The following PCDH15 variants were observed in gnomAD, a reference collection of about 807,000 sequenced individuals.
The protein encoded by PCDH15 is protocadherin-15.
Under a neutral mutation model 178.5 loss-of-function variants are expected in PCDH15, and 129 were observed. The ratio of observed to expected loss-of-function variants is 0.72; its 90% confidence interval spans 0.63 to 0.84. The LOEUF (loss-of-function observed/expected upper bound fraction) is 0.84, where lower values mean the gene tolerates loss of function less well. Among genes scored for constraint, PCDH15 ranks in the 40% least tolerant of loss-of-function variants. The pLI, the probability that PCDH15 is intolerant of heterozygous loss-of-function variation, is 0.00. For missense variants in PCDH15, 2,230 were observed against 2,099.9 expected, an observed-to-expected ratio of 1.06 and a Z score of -1.21; for synonymous variants, 800 against 732.0, an observed-to-expected ratio of 1.09 and a Z score of -1.50.
At chr10:54,933,418 A>G (rs1291263395) in intron 2 of PCDH15, among the ~76,000 whole-genome samples, 1 of 152,226 alleles carries the variant, frequency 6.6e-6, no homozygotes, top group Non-Finnish European at 1.5e-5. Flanking sequence ...TAAGAGCAGC[A>G]GGTATAAAAT....
chr10:54,738,924 G>C (rs529835903), intron 1 of PCDH15, among the ~76,000 whole-genome samples: 1 of 151,954 alleles, frequency 6.6e-6, no homozygotes, highest in African/African-American at 2.4e-5. Flanking sequence ...AAAATAGTAA[G>C]GGCCACATCT....
At chr10:54,904,723 T>C (rs1402084619) in intron 2 of PCDH15, among the ~76,000 whole-genome samples, 2 of 151,736 alleles carry the variant, frequency 1.3e-5, no homozygotes, top group Non-Finnish European at 2.9e-5. Flanking sequence ...AAAAACAGAA[T>C]AATTTCTTTC....
At chr10:55,582,619 T>TAC (rs1842641235) in intron 2 of PCDH15, among the ~76,000 whole-genome samples, 1 of 102,840 alleles carries the variant, frequency 9.7e-6, no homozygotes, top group African/African-American at 4.7e-5. Flanking sequence ...TATATATATA[T>TAC]ATATATATAT....
chr10:54,194,690 A>ATCTATC, intron 11 of PCDH15, among the ~76,000 whole-genome samples: 1 of 145,482 alleles, frequency 6.9e-6, no homozygotes, highest in East Asian at 2.0e-4. Flanking sequence ...CTATCTATCT[A>ATCTATC]TATCTGTATG....
chr10:53,971,830 G>A (rs1033358166), intron 21 of PCDH15, among the ~76,000 whole-genome samples: 9 of 152,116 alleles, frequency 5.9e-5, no homozygotes, highest in South Asian at 4.1e-4. Context: ...TCATGGATAC[G>A]AAGAATCAAT....
At chr10:54,778,095 T>A (rs1034502946) in intron 1 of PCDH15, among the ~76,000 whole-genome samples, 4 of 152,226 alleles carry the variant, frequency 2.6e-5, no homozygotes, top group Admixed American at 2.0e-4. Flanking sequence ...AATTGCCATA[T>A]GCAAGATGCA....
intron 6 of PCDH15, among the ~76,000 whole-genome samples, chr10:54,338,310 T>C (rs1050236337): frequency 3.9e-5 from 6 of 152,204 alleles, no homozygotes; most frequent in Non-Finnish European, 7.3e-5. Flanking sequence ...CCCTGAAAAG[T>C]ATTATTAAAC....
chr10:54,137,699 T>C lies in PCDH15; in HGVS notation c.1785-4692A>G, dbSNP rs377746975. ...CCTGCTATGTAAACACTAACTGTAGTCAGTCAGTGAGTTGGATTTGAGATT... is the reference window on the plus strand; with the variant it reads ...CCTGCTATGTAAACACTAACTGTAGCCAGTCAGTGAGTTGGATTTGAGATT... On this transcript the variant is annotated intron_variant, in intron 14 of 37. Coordinates refer to ENST00000644397, the MANE Select transcript of PCDH15 (RefSeq NM_001384140.1). Among the ~76,000 whole-genome samples the C allele has an allele frequency of 9.8e-5, 15 of 152,292 alleles. No homozygotes were observed. In the South Asian group the frequency reaches 1.7e-3, roughly 17 times the overall value.
At chr10:55,457,005 G>T (rs1486635284) in intron 2 of PCDH15, among the ~76,000 whole-genome samples, 2 of 152,014 alleles carry the variant, frequency 1.3e-5, no homozygotes, top group Non-Finnish European at 2.9e-5. Context: ...TACAAATATG[G>T]TGGGAATGTT....
Position 54,873,496 on chromosome 10 carries a change from C to T in PCDH15, c.-29+23954G>A, listed in dbSNP as rs949052690. Among the ~76,000 whole-genome samples the T allele has an allele frequency of 5.5e-5, 8 of 144,976 alleles. No individual in the cohort carries two copies. The East Asian group carries it at 6.0e-4, about 11-fold the overall frequency. ...ATTTTATATATATATAATATATATA[C>T]GTGTATGTATATATATAATGTATAT... On this transcript the variant is annotated intron_variant, in intron 3 of 5. Coordinates refer to the PCDH15 transcript ENST00000458638.
At chr10:55,364,121 T>G (rs1023613164) in intron 2 of PCDH15, among the ~76,000 whole-genome samples, 1 of 152,072 alleles carries the variant, frequency 6.6e-6, no homozygotes, top group Non-Finnish European at 1.5e-5. Context: ...CCCACTCCGC[T>G]TGGCACTGCT....
intron 2 of PCDH15, among the ~76,000 whole-genome samples, chr10:55,371,517 G>A (rs557738142): frequency 3.9e-5 from 6 of 152,144 alleles, no homozygotes; most frequent in African/African-American, 1.4e-4. Flanking sequence ...GGATCATGGG[G>A]GCCGAATTTC....
At chr10:54,890,088 C>A (rs1214816309) in intron 3 of PCDH15, among the ~76,000 whole-genome samples, 1 of 151,940 alleles carries the variant, frequency 6.6e-6, no homozygotes, top group African/African-American at 2.4e-5. Flanking sequence ...ATTGCACATA[C>A]AGAGATCAAC....
intron 1 of PCDH15, among the ~76,000 whole-genome samples, chr10:54,715,462 T>C (rs1379907684): frequency 2.0e-5 from 3 of 152,076 alleles, no homozygotes; most frequent in African/African-American, 7.2e-5. Flanking sequence ...ATTGACACTG[T>C]GAGCTTTAAT....
chr10:54,598,276 C>T (rs886945085), intron 2 of PCDH15, among the ~76,000 whole-genome samples: 1 of 151,880 alleles, frequency 6.6e-6, no homozygotes, highest in Non-Finnish European at 1.5e-5. Flanking sequence ...ACGAATCCAC[C>T]ACAATCAATA....
intron 3 of PCDH15, among the ~76,000 whole-genome samples, chr10:54,395,275 G>A (rs1158312776): frequency 6.6e-6 from 1 of 151,886 alleles, no homozygotes; most frequent in African/African-American, 2.4e-5. Context: ...ACTAATAAAT[G>A]TCCATGAAAT....
chr10:54,781,329 C>T (rs1012683190), intron 1 of PCDH15, among the ~76,000 whole-genome samples: 93 of 152,058 alleles, frequency 6.1e-4, no homozygotes, highest in African/African-American at 2.1e-3. Flanking sequence ...CACCATCCCC[C>T]GACAGGCCCT....
intron 26 of PCDH15, among the ~76,000 whole-genome samples, chr10:53,880,896 C>T (rs952892840): frequency 1.3e-5 from 2 of 151,962 alleles, no homozygotes; most frequent in Non-Finnish European, 2.9e-5. Context: ...ATAAACAACC[C>T]TCAAAAAAAC....
chr10:54,016,105 A>G (rs910328122), intron 20 of PCDH15, among the ~76,000 whole-genome samples: 1 of 152,160 alleles, frequency 6.6e-6, no homozygotes, highest in African/African-American at 2.4e-5. Flanking sequence ...AAAGTGGGCA[A>G]AAGATATGAA....
Sources: gnomAD v4.1 joint callset for allele counts (sites outside exome capture counted in the v4.1 genomes callset) on GRCh38, gnomAD v4.1.1 for gene constraint, MANE v1.5 for transcripts, NCBI Gene and HGNC (gene_info 2026-07-23, HGNC 2026-07-21) for gene names.